Variants in CHODL observed in about 807,000 individuals in gnomAD.
CHODL encodes transmembrane protein MT75.
A neutral mutation model predicts 34.5 loss-of-function variants in CHODL; 29 were observed. That is an observed-to-expected ratio of 0.84 (90% CI 0.63 to 1.15). The LOEUF is 1.15. CHODL is among the 50% of genes most tolerant of loss of function. The pLI is 0.00. For synonymous variants in CHODL, 125 were observed against 116.1 expected, an observed-to-expected ratio of 1.08 and a Z score of -0.49; for missense variants, 332 against 332.5, an observed-to-expected ratio of 1.00 and a Z score of 0.01.
At chr21:17,946,937 C>T (rs897511914) in intron 1 of CHODL, among the ~76,000 whole-genome samples, 1 of 152,004 alleles carries the variant, frequency 6.6e-6, no homozygotes, top group African/African-American at 2.4e-5. Context: ...ATCCTTTCTT[C>T]CTATCTTCCT....
chr21:17,974,203 C>A (rs191993669), intron 1 of CHODL, among the ~76,000 whole-genome samples: 44 of 152,204 alleles, frequency 2.9e-4, no homozygotes, highest in African/African-American at 1.0e-3. Flanking sequence ...TAATAAATAA[C>A]CTGGTTAGTG....
chr21:18,164,690 T>TCTACTCATTTCCTC (rs1568918562), intron 2 of CHODL, among the ~76,000 whole-genome samples: 1 of 151,782 alleles, frequency 6.6e-6, no homozygotes, highest in African/African-American at 2.4e-5. Context: ...CATTTCCTCA[T>TCTACTCATTTCCTC]CTAGTCATTT....
intron 1 of CHODL, among the ~76,000 whole-genome samples, chr21:17,995,350 G>T (rs2063839123): frequency 6.6e-6 from 1 of 152,190 alleles, no homozygotes; most frequent in Non-Finnish European, 1.5e-5. Flanking sequence ...AGTCTGCCAT[G>T]GGAATGTAGA....
At chr21:18,195,221 AT>A (rs1485486495) in intron 2 of CHODL, among the ~76,000 whole-genome samples, 3 of 151,824 alleles carry the variant, frequency 2.0e-5, no homozygotes, top group African/African-American at 7.3e-5. Flanking sequence ...CACCTGGCTA[AT>A]TTTTTGTATT....
Position 18,266,328 on chromosome 21 carries a change from G to A in CHODL, c.*290G>A, listed in dbSNP as rs546208276. ...CAGATAAAGTTGTTATCAACACGTC[G>A]GGAGTATGTGTGTTAGAAGCAATTC... On this transcript the variant is annotated 3_prime_UTR_variant, in exon 6 of 6. Coordinates refer to ENST00000299295, the MANE Select transcript of CHODL (RefSeq NM_024944.3). 4.4e-4 allele frequency: 342 copies of A among 774,772 alleles called. No homozygotes were observed. Among genetic ancestry groups the A allele is most frequent in the Middle Eastern group, 1.1e-3 (3 of 2,638 alleles). 48.0% of individuals were successfully genotyped at this position (774,772 alleles called of 1,614,324 possible).
intron 1 of CHODL, among the ~76,000 whole-genome samples, chr21:17,985,498 C>G (rs541609767): frequency 6.6e-6 from 1 of 152,176 alleles, no homozygotes; most frequent in Admixed American, 6.5e-5. Context: ...GACATTTATA[C>G]AGCAAGAGAG....
At chr21:18,082,207 C>T (rs188630249) in intron 2 of CHODL, among the ~76,000 whole-genome samples, 23 of 152,304 alleles carry the variant, frequency 1.5e-4, no homozygotes, top group Admixed American at 5.9e-4. Flanking sequence ...TTCACTCCCT[C>T]TTTCTCTCCT....
intron 2 of CHODL, among the ~76,000 whole-genome samples, chr21:18,120,489 C>A (rs752637598): frequency 2.0e-5 from 3 of 152,092 alleles, no homozygotes; most frequent in Non-Finnish European, 4.4e-5. Flanking sequence ...ACAGTTTTAT[C>A]GTGTTTTACC....
intron 1 of CHODL, among the ~76,000 whole-genome samples, chr21:18,014,998 G>A (rs2064058606): frequency 6.6e-6 from 1 of 152,170 alleles, no homozygotes; most frequent in Non-Finnish European, 1.5e-5. Flanking sequence ...AGTTCGGAAG[G>A]CTTAGAAGAC....
chr21:18,078,119 G>A (rs158034), intron 2 of CHODL, among the ~76,000 whole-genome samples: 233 of 152,132 alleles, frequency 1.5e-3, no homozygotes, highest in African/African-American at 4.6e-3. Flanking sequence ...TTTGTAAAAC[G>A]GTGTATTAGT....
chr21:18,254,422 G>GATATGGA (rs1461120127), intron 1 of CHODL, among the ~76,000 whole-genome samples: 2 of 152,082 alleles, frequency 1.3e-5, no homozygotes, highest in Non-Finnish European at 2.9e-5. Context: ...AGTAGAAGAG[G>GATATGGA]CTATGGACTA....
intron 2 of CHODL, among the ~76,000 whole-genome samples, chr21:18,235,437 G>T (rs1005606887): frequency 6.6e-6 from 1 of 152,026 alleles, no homozygotes; most frequent in Non-Finnish European, 1.5e-5. Context: ...ACAATGTGTT[G>T]ATTATTAAGA....
intron 2 of CHODL, among the ~76,000 whole-genome samples, chr21:18,123,826 T>C (rs1254899760): frequency 6.6e-6 from 1 of 152,144 alleles, no homozygotes; most frequent in Non-Finnish European, 1.5e-5. Context: ...CATGGAATTA[T>C]TATTCAAGCA....
chr21:18,218,788 C>G (rs1197864424), intron 2 of CHODL, among the ~76,000 whole-genome samples: 1 of 152,194 alleles, frequency 6.6e-6, no homozygotes. Context: ...CAAAATGCCA[C>G]CAGTCTCTTT....
chr21:17,971,727 G>T (rs1568823421), intron 1 of CHODL, among the ~76,000 whole-genome samples: 1 of 152,114 alleles, frequency 6.6e-6, no homozygotes. Context: ...CAGAGGTACA[G>T]AGAGGAGCTG....
chr21:18,196,464 A>G (rs937466304), intron 2 of CHODL, among the ~76,000 whole-genome samples: 1 of 152,202 alleles, frequency 6.6e-6, no homozygotes, highest in Non-Finnish European at 1.5e-5. Context: ...TTGCTATAGC[A>G]TTGCTGTAGG....
chr21:18,256,390 GGAGAAGCATTTCTGGTAAT>G (rs2074314613), intron 1 of CHODL, 100 bp from the exon 2 acceptor site: 1 of 976,816 alleles, frequency 1.0e-6, no homozygotes, highest in African/African-American at 1.6e-5. Context: ...TAATTCAGTG[GGAGAAGCATTTCTGGTAAT>G]GTATTTTCTG....
intron 2 of CHODL, among the ~76,000 whole-genome samples, chr21:18,186,410 TAA>T (rs34659673): frequency 6.8e-6 from 1 of 146,134 alleles, no homozygotes. Context: ...AAAAAAAAAT[TAA>T]AAAAAAAAAG....
intron 2 of CHODL, among the ~76,000 whole-genome samples, chr21:18,046,813 G>C (rs966920662): frequency 3.3e-5 from 5 of 151,868 alleles, no homozygotes; most frequent in Admixed American, 3.3e-4. Flanking sequence ...ACTGTTTGGG[G>C]ATATCACTCC....
Sources: allele counts gnomAD v4.1 joint callset (sites outside exome capture counted in the v4.1 genomes callset), GRCh38; gene constraint gnomAD v4.1.1; transcripts MANE v1.5; gene names NCBI Gene and HGNC (gene_info 2026-07-23, HGNC 2026-07-21).